The following ZNF407 variants were observed in gnomAD, a reference collection of about 807,000 sequenced individuals.
The protein encoded by ZNF407 is zinc finger protein 407.
In ZNF407, 17 loss-of-function variants were observed where a neutral mutation model predicts 131.2. That is an observed-to-expected ratio of 0.13 (90% CI 0.09 to 0.19). The LOEUF is 0.19. ZNF407 is among the 10% of genes least tolerant of loss of function. ZNF407 has a pLI of 1.00. For missense variants in ZNF407, 2,681 were observed against 2,830.6 expected, an observed-to-expected ratio of 0.95 and a Z score of 1.20; for synonymous variants, 1,156 against 1,062.0, an observed-to-expected ratio of 1.09 and a Z score of -1.72.
At chr18:74,760,295 C>G (rs1221702947) in intron 3 of ZNF407, among the ~76,000 whole-genome samples, 1 of 152,146 alleles carries the variant, frequency 6.6e-6, no homozygotes, top group African/African-American at 2.4e-5. Flanking sequence ...TCTACCTTTA[C>G]CTTCTTTTTC....
intron 8 of ZNF407, among the ~76,000 whole-genome samples, chr18:75,030,832 C>T (rs1446944666): frequency 2.6e-5 from 4 of 152,304 alleles, no homozygotes; most frequent in African/African-American, 9.6e-5. Flanking sequence ...GGAGATTTTA[C>T]CACCCTCTCC....
intron 3 of ZNF407, among the ~76,000 whole-genome samples, chr18:74,715,021 C>T (rs990145216): frequency 2.0e-5 from 3 of 152,218 alleles, no homozygotes; most frequent in Non-Finnish European, 4.4e-5. Context: ...GTAGCCCTGC[C>T]TGTCTGCCTG....
At chr18:75,013,011 G>A (rs542821337) in intron 8 of ZNF407, among the ~76,000 whole-genome samples, 25 of 150,272 alleles carry the variant, frequency 1.7e-4, no homozygotes, top group Non-Finnish European at 3.0e-4. Context: ...GATAACAGAC[G>A]TAGAACACCT....
At chr18:74,755,867 T>C (rs1445245720) in intron 3 of ZNF407, among the ~76,000 whole-genome samples, 17 of 111,922 alleles carry the variant, frequency 1.5e-4, no homozygotes, top group East Asian at 8.8e-4. Flanking sequence ...CTCCCTTCCT[T>C]CCTTCCTCTT....
At chr18:74,767,606 C>A (rs1173500402) in intron 3 of ZNF407, among the ~76,000 whole-genome samples, 3 of 149,936 alleles carry the variant, frequency 2.0e-5, no homozygotes, top group African/African-American at 7.3e-5. Flanking sequence ...TGTTATTTTC[C>A]TGCTAAATAT....
At chr18:74,745,780 T>C (rs1226302793) in intron 3 of ZNF407, among the ~76,000 whole-genome samples, 2 of 152,182 alleles carry the variant, frequency 1.3e-5, no homozygotes, top group Non-Finnish European at 2.9e-5. Context: ...ACCGGTCTTA[T>C]GGTTATTCAT....
At chr18:74,629,621 T>C (rs1983957055) in intron 1 of ZNF407, among the ~76,000 whole-genome samples, 3 of 152,228 alleles carry the variant, frequency 2.0e-5, no homozygotes, top group African/African-American at 4.8e-5. Flanking sequence ...ATTATAAGCA[T>C]ATTTTTGTTG....
chr18:74,766,796 G>A (rs1490240745), intron 3 of ZNF407, among the ~76,000 whole-genome samples: 1 of 152,152 alleles, frequency 6.6e-6, no homozygotes, highest in Admixed American at 6.5e-5. Flanking sequence ...TTTGCTGCCT[G>A]TAGCTTTTAA....
chr18:74,880,123 G>A (rs1410680376), intron 5 of ZNF407, among the ~76,000 whole-genome samples: 1 of 152,116 alleles, frequency 6.6e-6, no homozygotes, highest in East Asian at 1.9e-4. Context: ...TCTCTCGAAG[G>A]TTAGCATTTT....
At chr18:74,647,467 G>C (rs1483290220) in intron 3 of ZNF407, among the ~76,000 whole-genome samples, 2 of 152,034 alleles carry the variant, frequency 1.3e-5, no homozygotes, top group African/African-American at 4.8e-5. Flanking sequence ...TTCTTGTAGA[G>C]TCTCAGGATT....
chr18:74,660,556 C>T (rs1420108169), intron 3 of ZNF407, among the ~76,000 whole-genome samples: 2 of 152,010 alleles, frequency 1.3e-5, no homozygotes, highest in Non-Finnish European at 2.9e-5. Flanking sequence ...TAATTGCTTA[C>T]ATCGATTCTA....
At chr18:74,956,632 G>T (rs1226273176) in intron 8 of ZNF407, among the ~76,000 whole-genome samples, 1 of 152,138 alleles carries the variant, frequency 6.6e-6, no homozygotes, top group Admixed American at 6.5e-5. Flanking sequence ...GTCGTGATGT[G>T]ATGAAGGGAC....
intron 4 of ZNF407, among the ~76,000 whole-genome samples, chr18:74,831,434 A>T (rs1970481825): frequency 6.6e-6 from 1 of 151,998 alleles, no homozygotes; most frequent in African/African-American, 2.4e-5. Flanking sequence ...CCTTCAGCCC[A>T]CCCTTTGCAT....
chr18:74,658,667 C>T lies in ZNF407; in HGVS notation c.4802+17545C>T, dbSNP rs112288281. Among the ~76,000 whole-genome samples the T allele has an allele frequency of 2.1e-3, 313 of 152,238 alleles. 2 individuals carry two copies. The highest frequency in any genetic ancestry group is 7.1e-3 in the African/African-American group (294 of 41,566). On this transcript the variant is annotated intron_variant, in intron 3 of 8. Coordinates refer to ENST00000299687, the MANE Select transcript of ZNF407 (RefSeq NM_017757.3). ...AATAATTCTTTACAAACTGTTTCAA[C>T]CTACTTTTGTTTTAATTAGAATAAC...
chr18:74,599,599 G>A (rs1019671475), intron 1 of ZNF407, among the ~76,000 whole-genome samples: 1 of 152,208 alleles, frequency 6.6e-6, no homozygotes, highest in Admixed American at 6.5e-5. Flanking sequence ...ATTGATGGTG[G>A]GGAGTGGTGA....
At chr18:74,916,602 T>C (rs574711558) in intron 7 of ZNF407, among the ~76,000 whole-genome samples, 204 of 100,696 alleles carry the variant, frequency 2.0e-3, no homozygotes, top group African/African-American at 7.6e-3. Flanking sequence ...TATGGTGAGG[T>C]TGTATGCAGC....
rs370032927 is a variant in ZNF407, at chr18:74,756,187, TG to T, written c.4803-25239del. Among the ~76,000 whole-genome samples, 390 of 152,154 alleles carry T rather than the reference TG, an allele frequency of 2.6e-3. 5 individuals are homozygous for T. Among genetic ancestry groups the T allele is most frequent in the African/African-American group, 8.4e-3 (347 of 41,532 alleles). Reference sequence around the variant, plus strand: ...CATTACAGGCATGAGCCACAGCGCCTGGCCATATATTTCATTTTTATGCTAT... The same window carrying T: ...CATTACAGGCATGAGCCACAGCGCCTGCCATATATTTCATTTTTATGCTAT... On this transcript the variant is annotated intron_variant, in intron 3 of 8. Transcript: ENST00000299687.
At chr18:74,958,803 T>C (rs1356442907) in intron 8 of ZNF407, among the ~76,000 whole-genome samples, 1 of 152,174 alleles carries the variant, frequency 6.6e-6, no homozygotes. Flanking sequence ...AATCAAAGAT[T>C]TTAGCAGAGG....
intron 8 of ZNF407, among the ~76,000 whole-genome samples, chr18:74,957,210 G>A (rs1056554456): frequency 6.6e-6 from 1 of 152,040 alleles, no homozygotes; most frequent in Non-Finnish European, 1.5e-5. Context: ...CTTTTCTCAT[G>A]CCCCGTGAGG....
Sources: allele counts gnomAD v4.1 joint callset (sites outside exome capture counted in the v4.1 genomes callset), GRCh38; gene constraint gnomAD v4.1.1; transcripts MANE v1.5; gene names NCBI Gene and HGNC (gene_info 2026-07-23, HGNC 2026-07-21).